The following GALNTL6 variants were observed in gnomAD, a reference collection of about 807,000 sequenced individuals.
The protein encoded by GALNTL6 is polypeptide N-acetylgalactosaminyltransferase like 6.
Under a neutral mutation model 73.7 loss-of-function variants are expected in GALNTL6, and 46 were observed. The observed-to-expected ratio is 0.62, with a 90% CI of 0.49 to 0.80. The LOEUF is 0.80. Ranked by LOEUF, GALNTL6 falls within the 30% of genes least tolerant of loss-of-function variation. The probability of loss-of-function intolerance (pLI) is 0.00; values close to 1 mark genes in which losing one functional copy is unlikely to be tolerated. For missense variants in GALNTL6, 604 were observed against 755.0 expected, an observed-to-expected ratio of 0.80 and a Z score of 2.34; for synonymous variants, 259 against 263.7, an observed-to-expected ratio of 0.98 and a Z score of 0.17.
At chr4:172,363,227 C>A (rs1742436606) in intron 5 of GALNTL6, among the ~76,000 whole-genome samples, 1 of 152,108 alleles carries the variant, frequency 6.6e-6, no homozygotes, top group Non-Finnish European at 1.5e-5. Flanking sequence ...AATGTTTTCA[C>A]TATCTGAAAT....
intron 5 of GALNTL6, among the ~76,000 whole-genome samples, chr4:172,483,910 G>GTAAGA (rs1733582322): frequency 6.6e-6 from 1 of 152,132 alleles, no homozygotes; most frequent in East Asian, 1.9e-4. Context: ...ATAATGTAAG[G>GTAAGA]GGCAGCAGAA....
At chr4:171,925,185 G>C (rs1189213156) in intron 2 of GALNTL6, among the ~76,000 whole-genome samples, 1 of 152,116 alleles carries the variant, frequency 6.6e-6, no homozygotes, top group East Asian at 1.9e-4. Flanking sequence ...CAGAAGCCAG[G>C]AATCAGGTAC....
intron 9 of GALNTL6, among the ~76,000 whole-genome samples, chr4:172,943,738 T>G (rs370903915): frequency 2.0e-5 from 3 of 152,154 alleles, no homozygotes; most frequent in South Asian, 2.1e-4. Context: ...ATCCAGAATA[T>G]AGAAAGAACT....
chr4:173,033,342 G>A (rs907547145), intron 12 of GALNTL6, among the ~76,000 whole-genome samples: 1 of 148,872 alleles, frequency 6.7e-6, no homozygotes, highest in African/African-American at 2.5e-5. Context: ...AACCACTGAT[G>A]CAGGAAGACC....
At chr4:172,894,848 C>G (rs1235726148) in intron 8 of GALNTL6, among the ~76,000 whole-genome samples, 1 of 151,562 alleles carries the variant, frequency 6.6e-6, no homozygotes, top group Non-Finnish European at 1.5e-5. Context: ...CTTTATATGT[C>G]TGGGTGTTTT....
intron 5 of GALNTL6, among the ~76,000 whole-genome samples, chr4:172,403,846 A>G (rs1306274602): frequency 3.9e-5 from 6 of 151,956 alleles, no homozygotes; most frequent in Non-Finnish European, 7.4e-5. Flanking sequence ...TTCTTCAGAA[A>G]CGGTTGATAC....
At chr4:172,562,458 A>T (rs1417503887) in intron 5 of GALNTL6, among the ~76,000 whole-genome samples, 1 of 152,136 alleles carries the variant, frequency 6.6e-6, no homozygotes, top group African/African-American at 2.4e-5. Flanking sequence ...CTTTCTGTAT[A>T]ACTCCCCCTT....
At chr4:172,750,388 C>T (rs1393859130) in intron 5 of GALNTL6, among the ~76,000 whole-genome samples, 1 of 152,162 alleles carries the variant, frequency 6.6e-6, no homozygotes, top group Admixed American at 6.5e-5. Context: ...TTCCTTTGCT[C>T]AGCTACACAC....
At chr4:172,626,373 T>G (rs1201745882) in intron 5 of GALNTL6, among the ~76,000 whole-genome samples, 5 of 152,090 alleles carry the variant, frequency 3.3e-5, no homozygotes, top group Non-Finnish European at 7.4e-5. Context: ...CTCATTGGTC[T>G]GTGTGTCTGT....
intron 5 of GALNTL6, among the ~76,000 whole-genome samples, chr4:172,457,464 GC>G (rs1732440088): frequency 6.6e-6 from 1 of 152,070 alleles, no homozygotes; most frequent in African/African-American, 2.4e-5. Flanking sequence ...TATTCAGGAG[GC>G]CTATCTCACG....
chr4:172,839,688 T>C (rs1429183578), intron 7 of GALNTL6, among the ~76,000 whole-genome samples: 1 of 152,232 alleles, frequency 6.6e-6, no homozygotes, highest in African/African-American at 2.4e-5. Context: ...ATGAGTTAAG[T>C]AAAAGTTCTA....
rs1373488618 is a variant in GALNTL6, at chr4:172,080,095, C to T, written c.139-149561C>T. On this transcript the variant is annotated intron_variant, in intron 2 of 12. Coordinates refer to ENST00000506823, the MANE Select transcript of GALNTL6 (RefSeq NM_001034845.3). ...CATGACTTTTTCCCCAATAGCTCAC[C>T]AACAGTGCTAACATAATTTCTCAAA... 2.6e-5 allele frequency among the ~76,000 whole-genome samples: 4 copies of T among 152,124 alleles called. No homozygotes were observed. The East Asian group carries it at 5.8e-4, about 22-fold the overall frequency.
chr4:172,422,947 A>C (rs1012978548), intron 5 of GALNTL6, among the ~76,000 whole-genome samples: 2 of 151,048 alleles, frequency 1.3e-5, no homozygotes, highest in Admixed American at 6.6e-5. Context: ...AATGGTAAAA[A>C]CCAAATTGAC....
chr4:172,300,875 T>A (rs1421979700), intron 3 of GALNTL6, among the ~76,000 whole-genome samples: 1 of 152,190 alleles, frequency 6.6e-6, no homozygotes, highest in African/African-American at 2.4e-5. Context: ...GGAGTATCTT[T>A]GTGGCATTCT....
chr4:172,235,078 C>T (rs974436084), intron 3 of GALNTL6, among the ~76,000 whole-genome samples: 1 of 152,082 alleles, frequency 6.6e-6, no homozygotes, highest in Non-Finnish European at 1.5e-5. Flanking sequence ...CAAATTTATT[C>T]ACATATTCTT....
At position 172,348,519 on chromosome 4, in the gene GALNTL6, C is replaced by G. The variant is rs763264623; in HGVS notation, c.387-4C>G. ...CACACCATTTTCTTTTCCCTCATCT[C>G]CAGCTGTAAGCATAAGATGTATCTG... On this transcript the variant is annotated splice_polypyrimidine_tract_variant and splice_region_variant and intron_variant, in intron 4 of 12. Coordinates refer to ENST00000506823, the MANE Select transcript of GALNTL6 (RefSeq NM_001034845.3). 1.2e-6 allele frequency: 2 copies of G among 1,607,316 alleles called. No homozygotes were observed. Among genetic ancestry groups the G allele is most frequent in the Non-Finnish European group, 1.7e-6 (2 of 1,176,186 alleles).
intron 2 of GALNTL6, among the ~76,000 whole-genome samples, chr4:171,947,321 G>A (rs1290795040): frequency 6.6e-6 from 1 of 152,020 alleles, no homozygotes; most frequent in Non-Finnish European, 1.5e-5. Flanking sequence ...GGGTTGAGAA[G>A]CTTACTCTAG....
chr4:172,784,996 A>T (rs1320153015), intron 5 of GALNTL6, among the ~76,000 whole-genome samples: 1 of 152,176 alleles, frequency 6.6e-6, no homozygotes, highest in Admixed American at 6.5e-5. Context: ...ATACCAGGAC[A>T]TCTCCACAAG....
intron 3 of GALNTL6, among the ~76,000 whole-genome samples, chr4:172,244,059 A>T (rs1737543160): frequency 6.6e-6 from 1 of 152,146 alleles, no homozygotes; most frequent in Non-Finnish European, 1.5e-5. Flanking sequence ...TTAAACATCT[A>T]GCATGTGCTC....
Sources: allele counts gnomAD v4.1 joint callset (sites outside exome capture counted in the v4.1 genomes callset), GRCh38; gene constraint gnomAD v4.1.1; transcripts MANE v1.5; gene names NCBI Gene and HGNC (gene_info 2026-07-23, HGNC 2026-07-21).